MAP3K5: variants seen among roughly 807,000 people sequenced by gnomAD.
The protein encoded by MAP3K5 is mitogen-activated protein kinase kinase kinase 5.
Under a neutral mutation model 158.7 loss-of-function variants are expected in MAP3K5, and 56 were observed. The ratio of observed to expected loss-of-function variants is 0.35; its 90% CI spans 0.28 to 0.44. MAP3K5 has a LOEUF of 0.44. Among genes scored for constraint, MAP3K5 ranks in the 20% least tolerant of loss-of-function variants. The pLI is 1.00. For missense variants in MAP3K5, 1,294 were observed against 1,674.8 expected (o/e 0.77, Z 3.97); for synonymous variants, 579 against 601.7 (o/e 0.96, Z 0.55).
At chr6:136,712,663 T>C (rs1415340059) in intron 2 of MAP3K5, among the ~76,000 whole-genome samples, 1 of 152,226 alleles carries the variant, frequency 6.6e-6, no homozygotes, top group Non-Finnish European at 1.5e-5. Context: ...ACTTTACACA[T>C]TGATATGGTT....
At chr6:136,671,959 C>G (rs573058572) in intron 7 of MAP3K5, among the ~76,000 whole-genome samples, 1 of 152,058 alleles carries the variant, frequency 6.6e-6, no homozygotes, top group African/African-American at 2.4e-5. Context: ...ATGTATAACT[C>G]TTAACAATTA....
intron 3 of MAP3K5, among the ~76,000 whole-genome samples, chr6:136,702,049 T>A (rs919074879): frequency 2.0e-5 from 3 of 152,204 alleles, no homozygotes; most frequent in Non-Finnish European, 4.4e-5. Flanking sequence ...GAAAAGCAGT[T>A]CCTGAAACAA....
intron 1 of MAP3K5, among the ~76,000 whole-genome samples, chr6:136,779,423 A>G (rs551297269): frequency 2.0e-5 from 3 of 147,102 alleles, no homozygotes; most frequent in African/African-American, 7.6e-5. Flanking sequence ...AGCCTGGGCA[A>G]CAGAGTGACA....
intron 14 of MAP3K5, among the ~76,000 whole-genome samples, chr6:136,626,285 G>C (rs1306811912): frequency 6.6e-6 from 1 of 152,192 alleles, no homozygotes; most frequent in Non-Finnish European, 1.5e-5. Flanking sequence ...GGCCTCCTTA[G>C]CATGAATTCT....
At chr6:136,737,368 C>T (rs1452838773) in intron 1 of MAP3K5, among the ~76,000 whole-genome samples, 3 of 152,024 alleles carry the variant, frequency 2.0e-5, no homozygotes, top group Non-Finnish European at 4.4e-5. Flanking sequence ...CAAACCTGCA[C>T]ATGTATCCTC....
chr6:136,588,303 TC>T (rs908364271), intron 23 of MAP3K5, among the ~76,000 whole-genome samples: 1 of 152,132 alleles, frequency 6.6e-6, no homozygotes, highest in African/African-American at 2.4e-5. Flanking sequence ...AAATCCTAAC[TC>T]CATCACTTAG....
intron 7 of MAP3K5, among the ~76,000 whole-genome samples, chr6:136,685,440 C>T (rs1204818209): frequency 2.0e-5 from 3 of 152,130 alleles, no homozygotes; most frequent in African/African-American, 7.2e-5. Context: ...AGCACTAAAA[C>T]GCTGCCATTT....
intron 1 of MAP3K5, among the ~76,000 whole-genome samples, chr6:136,743,617 A>G (rs1782807689): frequency 6.6e-6 from 1 of 152,252 alleles, no homozygotes. Flanking sequence ...TTTGCAAGAC[A>G]GTCTGGTGGT....
intron 26 of MAP3K5, among the ~76,000 whole-genome samples, chr6:136,563,987 C>A (rs1830628450): frequency 6.6e-6 from 1 of 152,136 alleles, no homozygotes; most frequent in Non-Finnish European, 1.5e-5. Context: ...CTGGTTCAAC[C>A]CTGCACTTCC....
chr6:136,575,731 C>A (rs1774587315), intron 25 of MAP3K5, among the ~76,000 whole-genome samples: 1 of 152,170 alleles, frequency 6.6e-6, no homozygotes, highest in Admixed American at 6.5e-5. Context: ...TTGGCAAGAA[C>A]ACCACAGTGT....
At chr6:136,635,830 C>T (rs758741742) in intron 14 of MAP3K5, among the ~76,000 whole-genome samples, 2 of 151,338 alleles carry the variant, frequency 1.3e-5, no homozygotes, top group Non-Finnish European at 2.9e-5. Context: ...CTACAATGAG[C>T]TGTGATTGTG....
chr6:136,671,821 T>C (rs1016534985), intron 7 of MAP3K5, among the ~76,000 whole-genome samples: 1 of 151,812 alleles, frequency 6.6e-6, no homozygotes, highest in Non-Finnish European at 1.5e-5. Context: ...AGATGGGGTT[T>C]TGCCATGTGA....
intron 1 of MAP3K5, among the ~76,000 whole-genome samples, chr6:136,761,412 GGA>G (rs1451061252): frequency 2.6e-5 from 4 of 152,126 alleles, no homozygotes; most frequent in Non-Finnish European, 4.4e-5. Flanking sequence ...AGGGCTGTGT[GGA>G]GGACAGAAGG....
chr6:136,663,307 G>A (rs542413045), intron 8 of MAP3K5, among the ~76,000 whole-genome samples: 1 of 152,224 alleles, frequency 6.6e-6, no homozygotes, highest in East Asian at 1.9e-4. Context: ...TTCAACAATC[G>A]TTAACATTTT....
intron 8 of MAP3K5, 52 bp from the exon 9 acceptor site, chr6:136,659,430 A>AACCAGGTTTTC: frequency 6.5e-7 from 1 of 1,538,152 alleles, no homozygotes; most frequent in South Asian, 1.2e-5. Flanking sequence ...ACACAGGTAG[A>AACCAGGTTTTC]ACCAGGTTTT....
intron 25 of MAP3K5, among the ~76,000 whole-genome samples, chr6:136,573,929 T>C (rs1774479075): frequency 6.9e-6 from 1 of 145,692 alleles, no homozygotes; most frequent in Non-Finnish European, 1.5e-5. Flanking sequence ...CTTTTTCTTT[T>C]CTTTCTTTTT....
chr6:136,616,584 G>A (rs751271399), intron 15 of MAP3K5, among the ~76,000 whole-genome samples: 1 of 152,030 alleles, frequency 6.6e-6, no homozygotes, highest in Non-Finnish European at 1.5e-5. Flanking sequence ...TGGGATTACA[G>A]CTGTGAGCCA....
chr6:136,761,468 G>A (rs1291412165), intron 1 of MAP3K5, among the ~76,000 whole-genome samples: 1 of 152,128 alleles, frequency 6.6e-6, no homozygotes, highest in African/African-American at 2.4e-5. Context: ...CTGGGAAGAA[G>A]CCAGGAGCCT....
At chr6:136,560,053 T>G (rs1264002144) in intron 28 of MAP3K5, among the ~76,000 whole-genome samples, 1 of 150,506 alleles carries the variant, frequency 6.6e-6, no homozygotes, top group Non-Finnish European at 1.5e-5. Flanking sequence ...TATTCTTATT[T>G]ATTTTTAAAA....
Sources: allele counts gnomAD v4.1 joint callset (sites outside exome capture counted in the v4.1 genomes callset), GRCh38; gene constraint gnomAD v4.1.1; transcripts MANE v1.5; gene names NCBI Gene and HGNC (gene_info 2026-07-23, HGNC 2026-07-21).